ACSM2B: variants seen among roughly 807,000 people sequenced by gnomAD.
The protein encoded by ACSM2B is acyl-CoA synthetase medium chain family member 2B, also known as acyl-coenzyme A synthetase ACSM2B, mitochondrial.
In ACSM2B, 58 loss-of-function variants were observed where a neutral mutation model predicts 78.6. That is an observed-to-expected ratio of 0.74 (90% CI 0.60 to 0.92). The LOEUF is 0.92. ACSM2B is among the 40% of genes least tolerant of loss of function. The pLI is 0.00. For synonymous variants in ACSM2B, 257 were observed against 256.8 expected (o/e 1.00, Z -0.01); for missense variants, 688 against 711.2 (o/e 0.97, Z 0.37).
chr16:20,562,516 G>T (rs2015693660), intron 2 of ACSM2B, among the ~76,000 whole-genome samples: 1 of 152,108 alleles, frequency 6.6e-6, no homozygotes, highest in African/African-American at 2.4e-5. Flanking sequence ...CTCATTCGTG[G>T]ACATAGACCA....
intron 10 of ACSM2B, chr16:20,544,796 C>T: frequency 1.0e-6 from 1 of 995,198 alleles, no homozygotes; most frequent in Non-Finnish European, 1.2e-6. Context: ...TAAAGAAGAT[C>T]AACGGCATAG....
intron 8 of ACSM2B, 82 bp from the exon 9 acceptor site, chr16:20,546,556 G>A (rs1383377612): frequency 3.9e-6 from 6 of 1,552,748 alleles, no homozygotes; most frequent in African/African-American, 1.4e-5. Context: ...TGCAGAGCGG[G>A]TCCTGACACT....
At chr16:20,555,560 G>A in intron 3 of ACSM2B, 84 bp from the exon 4 acceptor site, 3 of 1,585,636 alleles carry the variant, frequency 1.9e-6, no homozygotes, top group Non-Finnish European at 2.6e-6. Context: ...CAAGCAGGGA[G>A]CAAGTGGGGA....
intron 3 of ACSM2B, among the ~76,000 whole-genome samples, chr16:20,557,340 C>G (rs895810882): frequency 6.6e-6 from 1 of 152,182 alleles, no homozygotes; most frequent in Non-Finnish European, 1.5e-5. Context: ...ACAGCACCCA[C>G]TTGCTGAAAT....
At chr16:20,554,090 T>A in intron 4 of ACSM2B, 170 bp from the exon 5 acceptor site, 1 of 1,104,142 alleles carries the variant, frequency 9.1e-7, no homozygotes, top group Non-Finnish European at 1.3e-6. Context: ...TCAATCAGAG[T>A]TGGGTTTGAA....
chr16:20,570,702 CGTT>C (rs772640376), intron 1 of ACSM2B, among the ~76,000 whole-genome samples: 10 of 150,780 alleles, frequency 6.6e-5, no homozygotes, highest in South Asian at 4.2e-4. Flanking sequence ...TTTTTGTTGT[CGTT>C]GTTGTTGTTG....
chr16:20,550,822 A>T (rs2015290377), intron 6 of ACSM2B, among the ~76,000 whole-genome samples: 1 of 152,160 alleles, frequency 6.6e-6, no homozygotes, highest in Admixed American at 6.5e-5. Flanking sequence ...TACAGGATAA[A>T]GCATAGCTGC....
rs547151707 is a variant in ACSM2B at position 20,570,072 on chromosome 16, T to TCTGG, written c.-8-5223_-8-5220dup. On this transcript the variant is annotated intron_variant, in intron 1 of 13. Transcript: ENST00000329697. Reference sequence around the variant, plus strand: ...TTATTTCTTTCTCTTGTCTGATTGATCTGGCTAGGACTTCCAGTACTATAC... The same window carrying TCTGG: ...TTATTTCTTTCTCTTGTCTGATTGATCTGGCTGGCTAGGACTTCCAGTACTATAC... 3.1e-4 allele frequency among the ~76,000 whole-genome samples: 47 copies of TCTGG among 152,040 alleles called. No homozygotes were observed. In the South Asian group the frequency reaches 8.3e-3, roughly 27 times the overall value.
At chr16:20,550,288 A>T (rs541679111) in intron 6 of ACSM2B, among the ~76,000 whole-genome samples, 8 of 152,174 alleles carry the variant, frequency 5.3e-5, no homozygotes, top group Non-Finnish European at 1.2e-4. Flanking sequence ...GTATCATGCA[A>T]TAATTTCCTT....
chr16:20,560,940 G>A (rs528773947), intron 2 of ACSM2B, among the ~76,000 whole-genome samples: 1 of 152,202 alleles, frequency 6.6e-6, no homozygotes, highest in East Asian at 1.9e-4. Context: ...TGGCTGCATT[G>A]TGTTCATAGC....
At chr16:20,549,904 T>C (rs2015252933) in intron 6 of ACSM2B, 3 of 375,170 alleles carry the variant, frequency 8.0e-6, no homozygotes, top group Non-Finnish European at 1.5e-5. Flanking sequence ...AGGAATGCCT[T>C]AGTTAAGATA....
rs765569138 is a variant in ACSM2B, at chr16:20,548,018, C to A, written c.1098+44G>T. The A allele has an allele frequency of 1.6e-5, 26 of 1,604,380 alleles. No individual in the cohort carries two copies. In the East Asian group the frequency reaches 5.1e-4, roughly 32 times the overall value. ...TTTATTGTCAAAGAGAATTTTGAAG[C>A]CCAAAAAGTGCACACAGCCCATGGT... is the stretch of plus-strand genomic sequence containing the variant. On this transcript the variant is annotated intron_variant, in intron 8 of 13. Coordinates refer to ENST00000329697, the MANE Select transcript of ACSM2B (RefSeq NM_001105069.2).
chr16:20,544,349 C>T (rs1460565330), intron 10 of ACSM2B, among the ~76,000 whole-genome samples: 12 of 152,120 alleles, frequency 7.9e-5, no homozygotes, highest in East Asian at 3.9e-4. Flanking sequence ...CCTAAGATCA[C>T]GCTATACATA....
chr16:20,559,343 G>C lies in ACSM2B; in HGVS notation c.282C>G (p.Ala94=), dbSNP rs1262132589. The change falls in exon 3 of 14, where the codon GCC becomes GCG. Residue 94 remains alanine (A), a synonymous_variant. Coordinates refer to ENST00000329697, the MANE Select transcript of ACSM2B (RefSeq NM_001105069.2). The stretch of plus-strand genomic sequence containing the variant: ...GGCCACAGGCTCCCGAGAGGATGTT[G>C]GCTGCCTGCTGGCTGTTTTCACTCA... ...RELSENSQQA[A]NILSGACGLQ... is the part of the protein sequence containing the mutation. 1.2e-6 allele frequency: 2 copies of C among 1,607,564 alleles called. No individual in the cohort carries two copies. Among genetic ancestry groups the C allele is most frequent in the South Asian group, 2.2e-5 (2 of 90,022 alleles).
intron 1 of ACSM2B, among the ~76,000 whole-genome samples, chr16:20,568,065 GTC>G (rs2015982377): frequency 7.1e-6 from 1 of 141,626 alleles, no homozygotes; most frequent in Non-Finnish European, 1.5e-5. Flanking sequence ...AGCTCATGGT[GTC>G]TCTCTCCCAT....
Position 20,543,268 on chromosome 16 carries a change from G to T in ACSM2B, c.1282-6C>A. 6.2e-7 allele frequency: 1 copy of T among 1,611,082 alleles called. No individual in the cohort carries two copies. Among genetic ancestry groups the T allele is most frequent in the Non-Finnish European group, 8.5e-7 (1 of 1,179,848 alleles). Reference sequence around the variant, plus strand: ...GCTGTCTTGTCGGGATTTTCCTGGTGACCACAGAAAGACAGAGTCATTGTG... The same window carrying T: ...GCTGTCTTGTCGGGATTTTCCTGGTTACCACAGAAAGACAGAGTCATTGTG... On this transcript the variant is annotated splice_polypyrimidine_tract_variant and splice_region_variant and intron_variant, in intron 10 of 13. Coordinates refer to ENST00000329697, the MANE Select transcript of ACSM2B (RefSeq NM_001105069.2).
At chr16:20,567,403 A>C (rs1355285770) in intron 1 of ACSM2B, among the ~76,000 whole-genome samples, 2 of 119,124 alleles carry the variant, frequency 1.7e-5, no homozygotes, top group Non-Finnish European at 3.2e-5. Flanking sequence ...TATACAATAT[A>C]TTATATAATA....
chr16:20,539,032 C>G (rs1014043527), intron 13 of ACSM2B, among the ~76,000 whole-genome samples: 2 of 152,070 alleles, frequency 1.3e-5, no homozygotes. Context: ...ATACCTGATC[C>G]ACCTGTGACC....
chr16:20,555,783 T>A (rs1464877302), intron 3 of ACSM2B, among the ~76,000 whole-genome samples: 2 of 152,006 alleles, frequency 1.3e-5, no homozygotes, highest in Admixed American at 6.6e-5. Flanking sequence ...TCAAAAAAAA[T>A]TTTCTACAGG....
Sources: allele counts gnomAD v4.1 joint callset (sites outside exome capture counted in the v4.1 genomes callset), GRCh38; gene constraint gnomAD v4.1.1; transcripts MANE v1.5; gene names NCBI Gene and HGNC (gene_info 2026-07-23, HGNC 2026-07-21).